Variants in DCTN1 observed in about 807,000 individuals in gnomAD.
DCTN1 encodes the protein dynactin subunit 1, also known as 150 kDa dynein-associated polypeptide.
A neutral mutation model predicts 161.2 loss-of-function variants in DCTN1; 61 were observed. The ratio of observed to expected loss-of-function variants is 0.38; its 90% CI spans 0.31 to 0.47. The LOEUF is 0.47. Ranked by LOEUF, DCTN1 falls within the 20% of genes least tolerant of loss-of-function variation. The pLI, the probability that DCTN1 is intolerant of heterozygous loss-of-function variation, is 0.99. For synonymous variants in DCTN1, 653 were observed against 632.4 expected (o/e 1.03, Z -0.49); for missense variants, 1,404 against 1,623.7 (o/e 0.86, Z 2.33).
chr2:74,370,902 C>G lies in DCTN1; in HGVS notation c.843+77G>C. On this transcript the variant is annotated intron_variant, in intron 9 of 31. Coordinates refer to ENST00000628224, the MANE Select transcript of DCTN1 (RefSeq NM_004082.5). This position sits in a 1 kb window ranked among gnomAD's most constrained non-coding sequence, Gnocchi z 4.4. ...CCTTTCTCACAGTATGTTCCAGGCTCCAGCTCCAGTCTAGTTTCCAGCATG... is the reference window on the plus strand; with the variant it reads ...CCTTTCTCACAGTATGTTCCAGGCTGCAGCTCCAGTCTAGTTTCCAGCATG... 2.5e-6 allele frequency: 4 copies of G among 1,613,382 alleles called. No homozygotes were observed. The South Asian group carries it at 4.4e-5, about 18-fold the overall frequency.
At chr2:74,380,338 G>A, upstream of DCTN1, 2 of 545,292 alleles carry the variant, frequency 3.7e-6, no homozygotes, top group Non-Finnish European at 6.9e-6. Context: ...AGACTTGTCA[G>A]GAACCGTGCT....
intron 30 of DCTN1, 37 bp downstream of exon 30, chr2:74,362,606 AGTTTATG>A: frequency 6.3e-7 from 1 of 1,596,380 alleles, no homozygotes; most frequent in Non-Finnish European, 8.6e-7. Flanking sequence ...TGGCTCCACC[AGTTTATG>A]CTGTGAAGTG....
At position 74,370,897 on chromosome 2, in the gene DCTN1, A is replaced by G; in HGVS notation, c.844-72T>C. 1.2e-6 allele frequency: 2 copies of G among 1,613,420 alleles called. No homozygotes were observed. The highest frequency in any genetic ancestry group is 2.2e-5 in the South Asian group (2 of 91,038). ...CCAGGCCTTTCTCACAGTATGTTCC[A>G]GGCTCCAGCTCCAGTCTAGTTTCCA... On this transcript the variant is annotated intron_variant, in intron 9 of 31. Coordinates refer to ENST00000628224, the MANE Select transcript of DCTN1 (RefSeq NM_004082.5). The surrounding 1 kb of genome is among the most constrained non-coding windows in gnomAD (Gnocchi z 4.4).
upstream of DCTN1, among the ~76,000 whole-genome samples, chr2:74,382,709 A>G (rs1446952024): frequency 6.6e-6 from 1 of 152,170 alleles, no homozygotes; most frequent in Non-Finnish European, 1.5e-5. Flanking sequence ...ATAAGAAATT[A>G]TAGACAGGAG....
Position 74,377,899 on chromosome 2 carries a change from G to C in DCTN1, c.279+101C>G, listed in dbSNP as rs993922442. The C allele has an allele frequency of 3.5e-5, 54 of 1,551,020 alleles. No homozygotes were observed. In the South Asian group the frequency reaches 4.1e-4, roughly 12 times the overall value. ...ACTACCTTCCACTCTCCCAACCAGA[G>C]GCTTATGCCCATGCTCAGGAAAACG... On this transcript the variant is annotated intron_variant, in intron 2 of 31. Coordinates refer to ENST00000628224, the MANE Select transcript of DCTN1 (RefSeq NM_004082.5).
Position 74,378,236 on chromosome 2 carries a change from C to T in DCTN1, c.43G>A (p.Gly15Ser), listed in dbSNP as rs72466482. ...CTTGCCTCCGCACTCATCCTGCTGCCGCTGGGCGTCTGAAAGACACAGGTA... is the reference window on the plus strand; with the variant it reads ...CTTGCCTCCGCACTCATCCTGCTGCTGCTGGGCGTCTGAAAGACACAGGTA... ...KRHVYSRTPS[G>S]SRMSAEASAR... Residue 15 changes from glycine (G) to serine (S), a missense_variant, in exon 2 of 32, where the codon GGC becomes AGC. This residue lies in a region of DCTN1 where 53 missense variants were observed against 54.4 expected (regional missense o/e 0.97). Transcript: ENST00000628224. 23 of 1,607,914 alleles carry T rather than the reference C, an allele frequency of 1.4e-5. No individual in the cohort carries two copies. The highest frequency in any genetic ancestry group is 4.0e-5 in the African/African-American group (3 of 74,928).
intron 27 of DCTN1, 57 bp downstream of exon 27, chr2:74,363,557 C>T: frequency 6.2e-7 from 1 of 1,606,888 alleles, no homozygotes; most frequent in African/African-American, 1.3e-5. Flanking sequence ...CTCCACCCTG[C>T]TCCCTTAGCT....
intron 19 of DCTN1, 117 bp downstream of exon 19, chr2:74,367,235 G>A: frequency 6.5e-7 from 1 of 1,526,912 alleles, no homozygotes; most frequent in African/African-American, 1.4e-5. Context: ...TCCCTGATAT[G>A]GCTTTGGTAA....
At chr2:74,385,028 C>G (rs1675668427), upstream of DCTN1, 1 of 152,188 alleles carries the variant, frequency 6.6e-6, no homozygotes, top group South Asian at 2.1e-4. Flanking sequence ...GTACACAGAG[C>G]TTTTTGTTCC....
At chr2:74,361,664 C>T (rs1674002872) in intron 31 of DCTN1, 28 bp from the exon 32 acceptor site, 1 of 1,613,922 alleles carries the variant, frequency 6.2e-7, no homozygotes, top group South Asian at 1.1e-5. Context: ...GAAAAAGACT[C>T]CAGGTCAGGG....
intron 16 of DCTN1, 68 bp from the exon 17 acceptor site, chr2:74,368,199 AG>A (rs568009897): frequency 6.5e-7 from 1 of 1,544,236 alleles, no homozygotes; most frequent in Non-Finnish European, 8.8e-7. Flanking sequence ...TCAGGAATAT[AG>A]TACTCAGAGC....
intron 7 of DCTN1, chr2:74,372,092 C>T (rs777725533): frequency 1.6e-5 from 5 of 317,036 alleles, no homozygotes; most frequent in Non-Finnish European, 3.0e-5. Flanking sequence ...CCATCTATGA[C>T]CCACTTGTGA....
At position 74,362,130 on chromosome 2, in the gene DCTN1, G is replaced by A. The variant is rs1032786897; in HGVS notation, c.3621C>T (p.Leu1207=). 5.0e-6 allele frequency: 8 copies of A among 1,613,734 alleles called. No individual in the cohort carries two copies. Among genetic ancestry groups the A allele is most frequent in the Non-Finnish European group, 6.8e-6 (8 of 1,179,766 alleles). The change falls in exon 31 of 32, where the codon CTC becomes CTT. Residue 1207 remains leucine (L), a synonymous_variant. Coordinates refer to ENST00000628224, the MANE Select transcript of DCTN1 (RefSeq NM_004082.5). The stretch of plus-strand genomic sequence containing the variant: ...CAGGGCGCTGAGATACTGTCTCCTT[G>A]AGGACCTCATCCTAGGGAAGGGGAG... ...DTVEKLKDEV[L]KETVSQRPGA... is the part of the protein sequence containing the mutation.
chr2:74,367,150 C>T lies in DCTN1; in HGVS notation c.2254-43G>A, dbSNP rs148935404. Reference sequence around the variant, plus strand: ...TGCAATCATCAGCCCCCAGCAGGAGCCCTTCTGCCTTATCAACATCTCTAA... The same window carrying T: ...TGCAATCATCAGCCCCCAGCAGGAGTCCTTCTGCCTTATCAACATCTCTAA... On this transcript the variant is annotated intron_variant, in intron 19 of 31. Transcript: ENST00000628224. 2.5e-6 allele frequency: 4 copies of T among 1,608,866 alleles called. No individual in the cohort carries two copies. The African/African-American group carries it at 4.0e-5, about 16-fold the overall frequency.
Position 74,366,339 on chromosome 2 carries a change from G to T in DCTN1, c.2665C>A (p.Leu889Met). 6.2e-7 allele frequency: 1 copy of T among 1,614,212 alleles called. No homozygotes were observed. Among genetic ancestry groups the T allele is most frequent in the Non-Finnish European group, 8.5e-7 (1 of 1,180,040 alleles). ...GTPSSSPYEC[L>M]RQSCNILIST... ...ATGAGGATGTTGCATGACTGGCGCA[G>T]ACACTCATAGGGGCTGCTGGAGGGG... Residue 889 changes from leucine (L) to methionine (M), a missense_variant, in exon 23 of 32, where the codon CTG becomes ATG. Coordinates refer to ENST00000628224, the MANE Select transcript of DCTN1 (RefSeq NM_004082.5).
intron 5 of DCTN1, among the ~76,000 whole-genome samples, chr2:74,376,097 G>T (rs139130951): frequency 6.6e-6 from 1 of 152,290 alleles, no homozygotes; most frequent in African/African-American, 2.4e-5. Flanking sequence ...AAGGGGAGGG[G>T]ACGTGACATG....
chr2:74,361,481 A>G lies in DCTN1; in HGVS notation c.*18T>C. On this transcript the variant is annotated 3_prime_UTR_variant, in exon 32 of 32. Transcript: ENST00000628224. ...CAGAGGGCTGAGGGTCGAAGGGGAC[A>G]GCAGGGGAAAGGAGTGCTTAGGAGA... The G allele has an allele frequency of 6.2e-7, 1 of 1,614,048 alleles. No homozygotes were observed. The highest frequency in any genetic ancestry group is 1.1e-5 in the South Asian group (1 of 91,076).
intron 1 of DCTN1, among the ~76,000 whole-genome samples, chr2:74,378,722 C>G (rs1558949521): frequency 6.6e-6 from 1 of 152,188 alleles, no homozygotes; most frequent in Non-Finnish European, 1.5e-5. Flanking sequence ...CTTGTCTCCT[C>G]TGTGTTTCAA....
chr2:74,362,891 G>A, intron 29 of DCTN1, 103 bp downstream of exon 29: 1 of 1,403,412 alleles, frequency 7.1e-7, no homozygotes, highest in Non-Finnish European at 9.9e-7. Flanking sequence ...GAACACTGCT[G>A]GGAAGAGCTT....
Sources: allele counts gnomAD v4.1 joint callset (sites outside exome capture counted in the v4.1 genomes callset), GRCh38; gene constraint gnomAD v4.1.1; regional missense constraint gnomAD v4.1.1; non-coding constraint Gnocchi (gnomAD v3.1); transcripts MANE v1.5; gene names NCBI Gene and HGNC (gene_info 2026-07-23, HGNC 2026-07-21).